PDE8A: variants seen among roughly 807,000 people sequenced by gnomAD.
PDE8A encodes the protein phosphodiesterase 8A.
Under a neutral mutation model 105.0 loss-of-function variants are expected in PDE8A, and 59 were observed. The ratio of observed to expected loss-of-function variants is 0.56; its 90% confidence interval spans 0.46 to 0.70. The LOEUF (loss-of-function observed/expected upper bound fraction) is 0.70. Ranked by LOEUF, PDE8A falls within the 30% of genes least tolerant of loss-of-function variation. The pLI, the probability that PDE8A is intolerant of heterozygous loss-of-function variation, is 0.00. For missense variants in PDE8A, 1,014 were observed against 1,045.9 expected (o/e 0.97, Z 0.42); for synonymous variants, 355 against 371.9 (o/e 0.95, Z 0.52).
intron 8 of PDE8A, among the ~76,000 whole-genome samples, chr15:85,094,413 C>T (rs1318963185): frequency 2.6e-5 from 4 of 152,196 alleles, no homozygotes; most frequent in Admixed American, 6.5e-5. Flanking sequence ...TGGCCTTTGC[C>T]CCCTACTGTT....
At chr15:85,092,193 C>T (rs902136454) in intron 8 of PDE8A, among the ~76,000 whole-genome samples, 1 of 152,132 alleles carries the variant, frequency 6.6e-6, no homozygotes, top group Admixed American at 6.5e-5. Context: ...GAGCACACAA[C>T]ATTGCCTTGA....
chr15:85,108,138 G>C (rs1414110968), intron 11 of PDE8A, among the ~76,000 whole-genome samples: 1 of 152,194 alleles, frequency 6.6e-6, no homozygotes, highest in East Asian at 1.9e-4. Flanking sequence ...TCACTCTTTA[G>C]TGCCCACAGA....
chr15:84,993,278 C>T (rs574644911), intron 1 of PDE8A, among the ~76,000 whole-genome samples: 1 of 151,686 alleles, frequency 6.6e-6, no homozygotes, highest in Non-Finnish European at 1.5e-5. Flanking sequence ...CCCGTCTCTT[C>T]TAAAAATACA....
At chr15:85,063,764 T>C (rs973227874) in intron 1 of PDE8A, 1 of 152,476 alleles carries the variant, frequency 6.6e-6, no homozygotes, top group African/African-American at 2.4e-5. Context: ...GTGATTGTTA[T>C]TACTCACTGG....
intron 1 of PDE8A, among the ~76,000 whole-genome samples, chr15:85,051,314 A>C (rs781698745): frequency 6.6e-5 from 10 of 152,062 alleles, no homozygotes; most frequent in Non-Finnish European, 1.0e-4. Flanking sequence ...TTTCTTACCT[A>C]ATTGCTCCGG....
At chr15:85,070,735 G>T (rs2141469074) in intron 3 of PDE8A, among the ~76,000 whole-genome samples, 1 of 152,284 alleles carries the variant, frequency 6.6e-6, no homozygotes, top group Middle Eastern at 3.4e-3. Context: ...AATGATGAAG[G>T]CCTTGTGTGC....
At chr15:85,002,775 C>T (rs528256221) in intron 1 of PDE8A, among the ~76,000 whole-genome samples, 1 of 152,148 alleles carries the variant, frequency 6.6e-6, no homozygotes, top group Non-Finnish European at 1.5e-5. Flanking sequence ...TTCCACAAAT[C>T]ACCTCATTAG....
chr15:85,094,281 G>A (rs764849263), intron 8 of PDE8A, among the ~76,000 whole-genome samples: 38 of 152,268 alleles, frequency 2.5e-4, no homozygotes, highest in Non-Finnish European at 5.0e-4. Flanking sequence ...ATGATGTGCA[G>A]CTGCAGAAAT....
intron 1 of PDE8A, among the ~76,000 whole-genome samples, chr15:85,062,122 T>C (rs894440501): frequency 1.3e-5 from 2 of 152,248 alleles, no homozygotes; most frequent in African/African-American, 2.4e-5. Context: ...TGATTTAGTT[T>C]TTTTCATTTG....
chr15:85,101,529 G>C (rs2081862143), intron 11 of PDE8A, among the ~76,000 whole-genome samples: 1 of 152,204 alleles, frequency 6.6e-6, no homozygotes, highest in South Asian at 2.1e-4. Context: ...ATCCTTAAAT[G>C]CTAGGTGGGA....
Position 85,089,350 on chromosome 15 carries a change from A to C in PDE8A, c.648A>C (p.Ser216=). The part of the protein sequence containing the change: ...RSQLKLRACN[S]VFTALENSED... ...TTTACTCATAAAGGGCTTGTAACTC[A>C]GTATTCACTGCATTAGAAAACAGTG... The change falls in exon 7 of 22, where the codon TCA becomes TCC. Residue 216 remains serine, a synonymous_variant. Coordinates refer to ENST00000394553, the MANE Select transcript of PDE8A (RefSeq NM_002605.3). 1 of 1,567,920 alleles carries C rather than the reference A, an allele frequency of 6.4e-7. No individual in the cohort carries two copies. Among genetic ancestry groups the C allele is most frequent in the South Asian group, 1.1e-5 (1 of 88,910 alleles).
intron 1 of PDE8A, among the ~76,000 whole-genome samples, chr15:85,018,907 C>T (rs2080373285): frequency 6.6e-6 from 1 of 152,090 alleles, no homozygotes; most frequent in Non-Finnish European, 1.5e-5. Flanking sequence ...GTACCATTTA[C>T]ATTAAGGTTA....
chr15:85,119,461 C>T (rs1202586639), intron 17 of PDE8A, among the ~76,000 whole-genome samples: 1 of 17,754 alleles, frequency 5.6e-5, no homozygotes, highest in Non-Finnish European at 1.1e-4. Context: ...GAGCAAGACT[C>T]TCGTCTCAAA....
chr15:85,135,747 AG>A (rs1398441580), intron 20 of PDE8A, among the ~76,000 whole-genome samples: 1 of 152,204 alleles, frequency 6.6e-6, no homozygotes, highest in African/African-American at 2.4e-5. Context: ...AAGAAAGAAC[AG>A]GACGCTTGCC....
chr15:85,103,365 T>C (rs1267709066), intron 11 of PDE8A, among the ~76,000 whole-genome samples: 1 of 152,192 alleles, frequency 6.6e-6, no homozygotes, highest in African/African-American at 2.4e-5. Context: ...CCAGGGCATT[T>C]GGTCGTTTTA....
rs765744385 is a variant in PDE8A, at chr15:85,091,006, T to C, written c.715-38T>C. On this transcript the variant is annotated intron_variant, in intron 7 of 21. Coordinates refer to ENST00000394553, the MANE Select transcript of PDE8A (RefSeq NM_002605.3). ...ATTGTCCTCTTTTTCAAAATGACTT[T>C]TAATTCACTTTATGTTTTTTCTTTT... 5.1e-6 allele frequency: 8 copies of C among 1,571,486 alleles called. 1 individual carries two copies. Among genetic ancestry groups the C allele is most frequent in the Non-Finnish European group, 6.1e-6 (7 of 1,153,958 alleles).
chr15:85,079,706 A>G (rs2081434902), intron 5 of PDE8A, among the ~76,000 whole-genome samples: 1 of 152,236 alleles, frequency 6.6e-6, no homozygotes, highest in Admixed American at 6.5e-5. Flanking sequence ...TGAGGTCAAG[A>G]GTTCCAGACC....
In PDE8A at chr15:85,123,118, G is replaced by A. The variant is rs1567301820; in HGVS notation, c.2010G>A (p.Met670Ile). 9 of 1,614,020 alleles carry A rather than the reference G, an allele frequency of 5.6e-6. No homozygotes were observed. Among genetic ancestry groups the A allele is most frequent in the Non-Finnish European group, 7.6e-6 (9 of 1,179,916 alleles). ...GIIDMVLATE[M>I]TKHFEHVNKF... ...TCGACATGGTCTTAGCCACAGAAATGACAAAGCACTTTGAGCATGTCAACA... is the reference window on the plus strand; with the variant it reads ...TCGACATGGTCTTAGCCACAGAAATAACAAAGCACTTTGAGCATGTCAACA... The change falls in exon 19 of 22, where the codon ATG (methionine) becomes ATA (isoleucine). Residue 670 changes from methionine (M) to isoleucine (I), a missense_variant. Physicochemically the swap from Met to Ile is conservative, Grantham distance 10 (BLOSUM62 1). Coordinates refer to ENST00000394553, the MANE Select transcript of PDE8A (RefSeq NM_002605.3).
chr15:84,993,182 G>T (rs939438622), intron 1 of PDE8A, among the ~76,000 whole-genome samples: 1 of 152,108 alleles, frequency 6.6e-6, no homozygotes, highest in African/African-American at 2.4e-5. Flanking sequence ...GGTGGCTCAT[G>T]CCTGTAATCC....
Sources: gnomAD v4.1 joint callset for allele counts (sites outside exome capture counted in the v4.1 genomes callset) on GRCh38, gnomAD v4.1.1 for gene constraint, MANE v1.5 for transcripts, NCBI Gene and HGNC (gene_info 2026-07-23, HGNC 2026-07-21) for gene names.